The following KCNMB2 variants were observed in gnomAD, a reference collection of about 807,000 sequenced individuals.
KCNMB2 encodes the protein potassium calcium-activated channel subfamily M regulatory beta subunit 2, also known as calcium-activated potassium channel subunit beta-2.
A neutral mutation model predicts 24.5 loss-of-function variants in KCNMB2; 9 were observed. That is an observed-to-expected ratio of 0.37 (90% CI 0.22 to 0.64). The LOEUF (loss-of-function observed/expected upper bound fraction) is 0.64, where lower values mean the gene tolerates loss of function less well. Among genes scored for constraint, KCNMB2 ranks in the 30% least tolerant of loss-of-function variants. KCNMB2 has a pLI of 0.63. For missense variants in KCNMB2, 226 were observed against 284.3 expected (o/e 0.79, Z 1.47); for synonymous variants, 109 against 104.4 (o/e 1.04, Z -0.27).
intron 1 of KCNMB2, among the ~76,000 whole-genome samples, chr3:178,790,271 C>T (rs1481688205): frequency 1.3e-5 from 2 of 152,004 alleles, no homozygotes; most frequent in Non-Finnish European, 2.9e-5. Flanking sequence ...CCAGGCAGTA[C>T]TTATCACGGG....
chr3:178,757,895 C>A (rs1724207264), intron 1 of KCNMB2, among the ~76,000 whole-genome samples: 1 of 111,848 alleles, frequency 8.9e-6, no homozygotes, highest in Non-Finnish European at 1.8e-5. Context: ...ATATATATAT[C>A]CAAGAGGATA....
intron 1 of KCNMB2, among the ~76,000 whole-genome samples, chr3:178,613,885 G>A (rs1391001359): frequency 6.6e-6 from 1 of 151,980 alleles, no homozygotes; most frequent in Non-Finnish European, 1.5e-5. Context: ...GATGTTCTCT[G>A]TTATTATCCG....
intron 1 of KCNMB2, among the ~76,000 whole-genome samples, chr3:178,732,290 T>C (rs1031175262): frequency 2.0e-5 from 3 of 152,214 alleles, no homozygotes; most frequent in African/African-American, 7.2e-5. Context: ...ATTTGCAGAT[T>C]CCATATTTAC....
chr3:178,785,456 A>G (rs905260581), intron 1 of KCNMB2, among the ~76,000 whole-genome samples: 20 of 152,070 alleles, frequency 1.3e-4, no homozygotes, highest in African/African-American at 3.6e-4. Context: ...TAGTATTACA[A>G]ACATAATATT....
At chr3:178,674,112 A>C (rs2108586381) in intron 1 of KCNMB2, among the ~76,000 whole-genome samples, 1 of 151,456 alleles carries the variant, frequency 6.6e-6, no homozygotes, top group Non-Finnish European at 1.5e-5. Context: ...GAATGCCATG[A>C]TCTTCTGATT....
intron 1 of KCNMB2, among the ~76,000 whole-genome samples, chr3:178,621,727 C>T (rs1227463177): frequency 6.6e-6 from 1 of 151,604 alleles, no homozygotes; most frequent in Non-Finnish European, 1.5e-5. Flanking sequence ...CTCCTTTTAT[C>T]CAAAATAAAA....
chr3:178,817,379 A>C (rs1178341285), intron 2 of KCNMB2, among the ~76,000 whole-genome samples: 1 of 152,060 alleles, frequency 6.6e-6, no homozygotes, highest in Admixed American at 6.5e-5. Context: ...AAAATCTATA[A>C]AATCTGAAAC....
chr3:178,717,976 A>G (rs1390249612), intron 1 of KCNMB2, among the ~76,000 whole-genome samples: 1 of 152,146 alleles, frequency 6.6e-6, no homozygotes, highest in Non-Finnish European at 1.5e-5. Flanking sequence ...CCATTTCTAG[A>G]GACTTACTTA....
intron 4 of KCNMB2, among the ~76,000 whole-genome samples, chr3:178,833,066 T>A (rs1715100962): frequency 2.0e-5 from 3 of 150,674 alleles, no homozygotes; most frequent in East Asian, 1.9e-4. Flanking sequence ...TATTTCCACT[T>A]ACTTCTGCCA....
At chr3:178,596,499 C>T (rs1185154220) in intron 1 of KCNMB2, among the ~76,000 whole-genome samples, 1 of 152,070 alleles carries the variant, frequency 6.6e-6, no homozygotes, top group Non-Finnish European at 1.5e-5. Context: ...AAAGTCTAAG[C>T]TTTCCCTAAT....
chr3:178,783,124 G>A (rs2108433599), intron 1 of KCNMB2, among the ~76,000 whole-genome samples: 2 of 152,092 alleles, frequency 1.3e-5, no homozygotes, highest in African/African-American at 4.8e-5. Flanking sequence ...TTATTTCTGA[G>A]GGCTCTGTTC....
intron 3 of KCNMB2, 72 bp downstream of exon 3, chr3:178,825,830 C>T: frequency 1.7e-6 from 2 of 1,166,492 alleles, no homozygotes; most frequent in Non-Finnish European, 1.2e-6. Flanking sequence ...TTAGGCAACC[C>T]TAAGGTCATC....
At chr3:178,587,942 A>G (rs867846333) in intron 1 of KCNMB2, among the ~76,000 whole-genome samples, 13 of 117,722 alleles carry the variant, frequency 1.1e-4, no homozygotes, top group Middle Eastern at 6.3e-3. Context: ...TCCTGTGTCC[A>G]TGTGTTCTCA....
At chr3:178,754,457 T>C (rs778204578) in intron 1 of KCNMB2, among the ~76,000 whole-genome samples, 30 of 152,108 alleles carry the variant, frequency 2.0e-4, no homozygotes, top group Non-Finnish European at 2.2e-4. Flanking sequence ...AGTTGGCACA[T>C]CTAATAAATG....
chr3:178,770,190 G>C (rs1426682520), intron 1 of KCNMB2, among the ~76,000 whole-genome samples: 1 of 152,170 alleles, frequency 6.6e-6, no homozygotes, highest in Non-Finnish European at 1.5e-5. Flanking sequence ...CAAGTTATAA[G>C]GCCTGGTCTC....
At chr3:178,602,567 C>T (rs191404410) in intron 1 of KCNMB2, among the ~76,000 whole-genome samples, 10 of 131,420 alleles carry the variant, frequency 7.6e-5, no homozygotes, top group East Asian at 6.9e-4. Context: ...CTGGGAGGTT[C>T]GGGGGTGGGG....
rs183576790 is a variant in KCNMB2, at chr3:178,811,035, G to A, written c.56+3570G>A. On this transcript the variant is annotated intron_variant, in intron 2 of 4. Coordinates refer to ENST00000452583, the MANE Select transcript of KCNMB2 (RefSeq NM_181361.3). ...CCAAAGTGCTGGGATTACAGGCGTGGGCCACCACACCCGGCCCGATCCCTA... is the reference window on the plus strand; with the variant it reads ...CCAAAGTGCTGGGATTACAGGCGTGAGCCACCACACCCGGCCCGATCCCTA... Among the ~76,000 whole-genome samples the A allele has an allele frequency of 4.9e-3, 744 of 151,356 alleles. 5 individuals are homozygous for A. In the Middle Eastern group the frequency reaches 0.065, roughly 13 times the overall value.
chr3:178,608,867 A>G (rs1035020147), intron 1 of KCNMB2, among the ~76,000 whole-genome samples: 1 of 152,036 alleles, frequency 6.6e-6, no homozygotes, highest in African/African-American at 2.4e-5. Context: ...CGTATACCAC[A>G]TTTTTCTTTA....
At chr3:178,705,877 C>T (rs1349966259) in intron 1 of KCNMB2, among the ~76,000 whole-genome samples, 1 of 152,044 alleles carries the variant, frequency 6.6e-6, no homozygotes, top group African/African-American at 2.4e-5. Context: ...AAATAAAACC[C>T]CATCTCCTTC....
Sources: gnomAD v4.1 joint callset for allele counts (sites outside exome capture counted in the v4.1 genomes callset) on GRCh38, gnomAD v4.1.1 for gene constraint, MANE v1.5 for transcripts, NCBI Gene and HGNC (gene_info 2026-07-23, HGNC 2026-07-21) for gene names.